Variants in COLEC12 observed in about 807,000 individuals in gnomAD.
COLEC12 encodes the protein collectin subfamily member 12.
A neutral mutation model predicts 71.1 loss-of-function variants in COLEC12; 33 were observed. The ratio of observed to expected loss-of-function variants is 0.46; its 90% CI spans 0.35 to 0.62. The LOEUF (loss-of-function observed/expected upper bound fraction) is 0.62. COLEC12 is among the 20% of genes least tolerant of loss of function. The probability of loss-of-function intolerance (pLI) is 0.00; values close to 1 mark genes in which losing one functional copy is unlikely to be tolerated. For missense variants in COLEC12, 765 were observed against 916.1 expected, an observed-to-expected ratio of 0.84 and a Z score of 2.13; for synonymous variants, 350 against 353.0, an observed-to-expected ratio of 0.99 and a Z score of 0.10.
intron 2 of COLEC12, among the ~76,000 whole-genome samples, chr18:402,130 C>T (rs1250690998): frequency 6.6e-6 from 1 of 152,062 alleles, no homozygotes; most frequent in Non-Finnish European, 1.5e-5. Flanking sequence ...GCAGCCAAAG[C>T]AGAGATTTTT....
In COLEC12 at chr18:317,784, C is replaced by T. The variant is rs1913579578; in HGVS notation, c.*2261G>A. The T allele has an allele frequency of 6.6e-6, 1 of 152,212 alleles. No individual in the cohort carries two copies. 9.4% of individuals were successfully genotyped at this position (152,212 alleles called of 1,614,324 possible). A position where few individuals can be genotyped will look rare whatever the true frequency, so the allele number is the denominator to read the frequency against. ...AAGAGGTGTTGGAATGCCGTGCCCGCCTTGTGGTGCAGGCTTCAGCAGTTT... is the reference window on the plus strand; with the variant it reads ...AAGAGGTGTTGGAATGCCGTGCCCGTCTTGTGGTGCAGGCTTCAGCAGTTT... On this transcript the variant is annotated 3_prime_UTR_variant, in exon 10 of 10. Transcript: ENST00000400256.
At chr18:376,244 C>T (rs887795977) in intron 2 of COLEC12, among the ~76,000 whole-genome samples, 2 of 152,204 alleles carry the variant, frequency 1.3e-5, no homozygotes, top group African/African-American at 4.8e-5. Context: ...CGTTTCCTTA[C>T]AGACCTTTAC....
intron 2 of COLEC12, among the ~76,000 whole-genome samples, chr18:453,085 G>C (rs544973275): frequency 2.0e-5 from 3 of 152,200 alleles, no homozygotes; most frequent in Non-Finnish European, 1.5e-5. Context: ...ACAAAGAGAG[G>C]TCTCTGGGGT....
At chr18:499,513 C>A (rs1010288346) in intron 1 of COLEC12, among the ~76,000 whole-genome samples, 8 of 152,204 alleles carry the variant, frequency 5.3e-5, no homozygotes, top group African/African-American at 1.9e-4. Context: ...GATTGCATCG[C>A]CAGGTCTGTG....
At chr18:380,455 A>G (rs2143559047) in intron 2 of COLEC12, among the ~76,000 whole-genome samples, 1 of 149,154 alleles carries the variant, frequency 6.7e-6, no homozygotes, top group Middle Eastern at 3.4e-3. Context: ...CATCATGCTA[A>G]TCATCAGTCA....
intron 2 of COLEC12, among the ~76,000 whole-genome samples, chr18:403,401 T>C (rs1915725787): frequency 2.0e-5 from 3 of 152,184 alleles, no homozygotes; most frequent in African/African-American, 7.2e-5. Flanking sequence ...AAAGACAAGA[T>C]TCTAATGCCT....
At chr18:379,221 C>T (rs1213062847) in intron 2 of COLEC12, among the ~76,000 whole-genome samples, 1 of 151,982 alleles carries the variant, frequency 6.6e-6, no homozygotes, top group African/African-American at 2.4e-5. Flanking sequence ...CTCCTAGGCT[C>T]AAGTGGTCCT....
chr18:452,046 G>A (rs769168621), intron 2 of COLEC12, among the ~76,000 whole-genome samples: 1 of 152,206 alleles, frequency 6.6e-6, no homozygotes, highest in Non-Finnish European at 1.5e-5. Flanking sequence ...CTCATACCTA[G>A]ATGGTAACTT....
chr18:495,690 T>C (rs1001705763), intron 1 of COLEC12, among the ~76,000 whole-genome samples: 1 of 152,236 alleles, frequency 6.6e-6, no homozygotes, highest in South Asian at 2.1e-4. Flanking sequence ...TCTACGTTGC[T>C]CACTCAGTAT....
intron 5 of COLEC12, among the ~76,000 whole-genome samples, chr18:336,169 CA>C (rs1914114818): frequency 6.6e-6 from 1 of 152,190 alleles, no homozygotes; most frequent in South Asian, 2.1e-4. Context: ...TGTTGTACCC[CA>C]GCTGGCATGC....
At chr18:376,776 T>G (rs1915124071) in intron 2 of COLEC12, among the ~76,000 whole-genome samples, 1 of 152,220 alleles carries the variant, frequency 6.6e-6, no homozygotes, top group African/African-American at 2.4e-5. Context: ...TGCAGGGTTA[T>G]TCTAAGGATT....
intron 1 of COLEC12, among the ~76,000 whole-genome samples, chr18:498,561 A>G (rs1446773036): frequency 1.3e-5 from 2 of 152,024 alleles, no homozygotes; most frequent in Non-Finnish European, 2.9e-5. Context: ...GGATTTCACA[A>G]TGTTGGCCAG....
At chr18:354,059 A>G (rs17451816) in intron 3 of COLEC12, among the ~76,000 whole-genome samples, 3,702 of 152,256 alleles carry the variant, frequency 0.024, 68 homozygotes, top group Middle Eastern at 0.045. Context: ...TCTTTTTCCT[A>G]ATTACCTTTA....
chr18:476,867 T>C (rs1033517507), intron 2 of COLEC12, among the ~76,000 whole-genome samples: 1 of 152,254 alleles, frequency 6.6e-6, no homozygotes, highest in Admixed American at 6.5e-5. Flanking sequence ...CAATTAGCTC[T>C]GCATACTGAG....
intron 2 of COLEC12, among the ~76,000 whole-genome samples, chr18:375,404 A>G (rs1365064724): frequency 1.3e-5 from 2 of 152,174 alleles, no homozygotes; most frequent in Non-Finnish European, 2.9e-5. Flanking sequence ...TAAAAACATC[A>G]TCTTCTCAGA....
intron 1 of COLEC12, among the ~76,000 whole-genome samples, chr18:499,319 GGTCTCCCGAC>G (rs1917773220): frequency 6.6e-6 from 1 of 152,152 alleles, no homozygotes; most frequent in Admixed American, 6.5e-5. Context: ...CCCTTCCCGA[GGTCTCCCGAC>G]GTGGACACCT....
At chr18:389,758 T>G (rs569608177) in intron 2 of COLEC12, among the ~76,000 whole-genome samples, 9 of 152,216 alleles carry the variant, frequency 5.9e-5, no homozygotes, top group Admixed American at 2.6e-4. Context: ...TTTCCCCTAC[T>G]CCCTGAGAGA....
At chr18:406,589 T>C (rs192783858) in intron 2 of COLEC12, among the ~76,000 whole-genome samples, 81 of 152,084 alleles carry the variant, frequency 5.3e-4, no homozygotes, top group African/African-American at 1.7e-3. Flanking sequence ...GTAGCCATTA[T>C]TTTATTCCTT....
rs1914772661 is a variant in COLEC12, at chr18:362,684, TTA to T, written c.59-5164_59-5163del. On this transcript the variant is annotated intron_variant, in intron 2 of 9. Coordinates refer to ENST00000400256, the MANE Select transcript of COLEC12 (RefSeq NM_130386.3). This position sits in a 1 kb window ranked among gnomAD's most constrained non-coding sequence, Gnocchi z 4.6. ...AGTGAAGCAGTGCTGCCCCTCACCATTAAGAGATCCAGCGTGCCAAAGAACCT... is the reference window on the plus strand; with the variant it reads ...AGTGAAGCAGTGCTGCCCCTCACCATAGAGATCCAGCGTGCCAAAGAACCT... Among the ~76,000 whole-genome samples the T allele has an allele frequency of 6.6e-6, 1 of 152,072 alleles. No individual in the cohort carries two copies. The highest frequency in any genetic ancestry group is 1.5e-5 in the Non-Finnish European group (1 of 68,006).
Sources: allele counts gnomAD v4.1 joint callset (sites outside exome capture counted in the v4.1 genomes callset), GRCh38; gene constraint gnomAD v4.1.1; non-coding constraint Gnocchi (gnomAD v3.1); transcripts MANE v1.5; gene names NCBI Gene and HGNC (gene_info 2026-07-23, HGNC 2026-07-21).